The following CREBBP variants were observed in gnomAD, a reference collection of about 807,000 sequenced individuals.
CREBBP encodes CREB-binding protein.
Under a neutral mutation model 265.0 loss-of-function variants are expected in CREBBP, and 19 were observed. That is an observed-to-expected ratio of 0.07 (90% CI 0.05 to 0.11). CREBBP has a LOEUF of 0.11. CREBBP is among the 10% of genes least tolerant of loss of function. The probability of loss-of-function intolerance (pLI) is 1.00; values close to 1 mark genes in which losing one functional copy is unlikely to be tolerated. For missense variants in CREBBP, 2,525 were observed against 3,219.0 expected, an observed-to-expected ratio of 0.78 and a Z score of 5.22; for synonymous variants, 1,457 against 1,223.7, an observed-to-expected ratio of 1.19 and a Z score of -3.98.
chr16:3,835,158 C>CCAAAA (rs574045112), intron 2 of CREBBP, among the ~76,000 whole-genome samples: 8 of 151,828 alleles, frequency 5.3e-5, no homozygotes, highest in Non-Finnish European at 7.4e-5. Flanking sequence ...GACTCCTTCT[C>CCAAAA]CAAAACAAAA....
At chr16:3,861,269 CA>C (rs2055067337) in intron 1 of CREBBP, among the ~76,000 whole-genome samples, 1 of 151,916 alleles carries the variant, frequency 6.6e-6, no homozygotes, top group South Asian at 2.1e-4. Flanking sequence ...AACTCTGTCC[CA>C]AAAAAATAAA....
intron 1 of CREBBP, among the ~76,000 whole-genome samples, chr16:3,854,093 G>A (rs967248564): frequency 6.6e-6 from 1 of 152,170 alleles, no homozygotes; most frequent in Admixed American, 6.5e-5. Flanking sequence ...ATGATCTGAA[G>A]TGGCTGCCTG....
chr16:3,816,872 C>A (rs1364979123), intron 2 of CREBBP, among the ~76,000 whole-genome samples: 1 of 152,132 alleles, frequency 6.6e-6, no homozygotes. Flanking sequence ...TGCCACGCAG[C>A]CCCTAGGAAT....
At chr16:3,826,216 G>A (rs968405759) in intron 2 of CREBBP, among the ~76,000 whole-genome samples, 5 of 152,150 alleles carry the variant, frequency 3.3e-5, no homozygotes, top group African/African-American at 4.8e-5. Flanking sequence ...CAGTCTCGGC[G>A]GGCGGGGAGC....
At chr16:3,796,883 C>T (rs1212663259) in intron 3 of CREBBP, among the ~76,000 whole-genome samples, 1 of 152,172 alleles carries the variant, frequency 6.6e-6, no homozygotes, top group Non-Finnish European at 1.5e-5. Context: ...GGTGAATCAA[C>T]AGTGGAATGG....
intron 2 of CREBBP, among the ~76,000 whole-genome samples, chr16:3,838,706 A>G (rs941744064): frequency 1.3e-5 from 2 of 152,170 alleles, no homozygotes; most frequent in Non-Finnish European, 2.9e-5. Context: ...CTAATTTTGT[A>G]TAACAAACAT....
At position 3,767,755 on chromosome 16, in the gene CREBBP, G is replaced by C. The variant is rs2141181635; in HGVS notation, c.3215C>G (p.Ser1072Cys). 1 of 1,614,258 alleles carries C rather than the reference G, an allele frequency of 6.2e-7. No individual in the cohort carries two copies. The highest frequency in any genetic ancestry group is 1.3e-5 in the African/African-American group (1 of 75,066). ...CGGCTGCGAAGGAGATGTTGACTGA[G>C]AGGCTGTGCCGTTACTGCTACTCTC... is the stretch of plus-strand genomic sequence containing the variant. Reference protein sequence around the residue: ...EEESSSNGTASQSTSPSQPRK... With the variant: ...EEESSSNGTACQSTSPSQPRK... Residue 1072 changes from serine to cysteine, a missense_variant, in exon 16 of 31, where the codon TCT becomes TGT. Ser to Cys is a moderately radical substitution (Grantham distance 112). Around this residue, in one of 19 missense-constraint regions of CREBBP, gnomAD observed 548 missense variants for 533.0 expected, o/e 1.03. Coordinates refer to ENST00000262367, the MANE Select transcript of CREBBP (RefSeq NM_004380.3).
At chr16:3,745,557 T>C (rs2052322916) in intron 21 of CREBBP, 1 of 611,688 alleles carries the variant, frequency 1.6e-6, no homozygotes, top group East Asian at 2.9e-5. Context: ...TCTTCTTTTG[T>C]TTGTACAAGC....
At chr16:3,852,902 A>G (rs1274535871) in intron 1 of CREBBP, among the ~76,000 whole-genome samples, 1 of 151,498 alleles carries the variant, frequency 6.6e-6, no homozygotes, top group African/African-American at 2.4e-5. Context: ...CGGCCAGGCT[A>G]TTCATGTATG....
intron 16 of CREBBP, among the ~76,000 whole-genome samples, chr16:3,759,767 CCCA>C (rs2052670198): frequency 6.6e-6 from 1 of 152,104 alleles, no homozygotes; most frequent in Non-Finnish European, 1.5e-5. Flanking sequence ...ATTGCTTACT[CCCA>C]CATTTACTAA....
intron 1 of CREBBP, among the ~76,000 whole-genome samples, chr16:3,871,404 A>G (rs1454460193): frequency 6.6e-6 from 1 of 152,250 alleles, no homozygotes; most frequent in Non-Finnish European, 1.5e-5. Flanking sequence ...TGTGACTCAC[A>G]GTTAGAAGGT....
At position 3,749,729 on chromosome 16, in the gene CREBBP, T is replaced by G. The variant is rs1488681321; in HGVS notation, c.3780-46A>C. The G allele has an allele frequency of 2.3e-6, 3 of 1,311,830 alleles. No individual in the cohort carries two copies. The South Asian group carries it at 3.7e-5, about 16-fold the overall frequency. 81.3% of individuals were successfully genotyped at this position (1,311,830 alleles called of 1,614,324 possible). A position where few individuals can be genotyped will look rare whatever the true frequency, so the allele number is the denominator to read the frequency against. On this transcript the variant is annotated intron_variant, in intron 20 of 30. Transcript: ENST00000262367. ...CATGTTTTATTAACTAAAATTTATC[T>G]GTTGAGTATAAACTATAGGGTCTCT...
chr16:3,813,057 G>C (rs1278377336), intron 2 of CREBBP: 2 of 228,296 alleles, frequency 8.8e-6, no homozygotes, highest in African/African-American at 4.4e-5. Context: ...ATTTCTTTCA[G>C]CTCTAAAAGT....
intron 19 of CREBBP, 137 bp from the exon 20 acceptor site, chr16:3,751,943 G>A (rs2052484084): frequency 1.3e-6 from 1 of 781,866 alleles, no homozygotes; most frequent in Admixed American, 2.0e-5. Context: ...ATGGGTCAGT[G>A]AGGACAATGA....
chr16:3,835,422 G>T (rs567901629), intron 2 of CREBBP, among the ~76,000 whole-genome samples: 1 of 152,064 alleles, frequency 6.6e-6, no homozygotes, highest in Admixed American at 6.6e-5. Flanking sequence ...GGCTGGATGT[G>T]GTTCATGGGC....
chr16:3,725,067 A>G lies in CREBBP; in HGVS notation c.*2651T>C. 4.3e-6 allele frequency: 1 copy of G among 231,190 alleles called. No individual in the cohort carries two copies. The highest frequency in any genetic ancestry group is 5.6e-5 in the Admixed American group (1 of 17,720). The allele number at this position is 231,190 out of a possible 1,614,324, so 14.3% of individuals were successfully genotyped here. A position where few individuals can be genotyped will look rare whatever the true frequency, so the allele number is the denominator to read the frequency against. On this transcript the variant is annotated 3_prime_UTR_variant, in exon 31 of 31. Coordinates refer to ENST00000262367, the MANE Select transcript of CREBBP (RefSeq NM_004380.3). Reference sequence around the variant, plus strand: ...ATCTGAACCATCTTTGAATCCAAGTAGTTTTACCATCTTTTATTATAAACA... The same window carrying G: ...ATCTGAACCATCTTTGAATCCAAGTGGTTTTACCATCTTTTATTATAAACA...
rs2052626228 is a variant in CREBBP at position 3,757,976 on chromosome 16, G to C, written c.3442C>G (p.Gln1148Glu). Residue 1148 changes from glutamine to glutamate, a missense_variant, in exon 18 of 31, where the codon CAA (glutamine) becomes GAA (glutamate). Transcript: ENST00000262367. ...IKRKLDTGQY[Q>E]EPWQYVDDVW... ...TCGTCCACGTACTGCCAGGGCTCTT[G>C]GTATTGCCCTGTGTCCAGCTTCCGC... 6.2e-7 allele frequency: 1 copy of C among 1,613,554 alleles called. No individual in the cohort carries two copies. The highest frequency in any genetic ancestry group is 8.5e-7 in the Non-Finnish European group (1 of 1,179,870).
chr16:3,815,091 A>G (rs185071494), intron 2 of CREBBP, among the ~76,000 whole-genome samples: 27 of 152,362 alleles, frequency 1.8e-4, no homozygotes, highest in Admixed American at 1.2e-3. Context: ...TTCCTAGTAT[A>G]TATCTATTCT....
At chr16:3,848,976 G>C (rs559362077) in intron 2 of CREBBP, among the ~76,000 whole-genome samples, 15 of 152,136 alleles carry the variant, frequency 9.9e-5, no homozygotes, top group African/African-American at 3.1e-4. Flanking sequence ...ACATTCACAG[G>C]GTTTTGCATC....
Sources: allele counts gnomAD v4.1 joint callset (sites outside exome capture counted in the v4.1 genomes callset), GRCh38; gene constraint gnomAD v4.1.1; regional missense constraint gnomAD v4.1.1; transcripts MANE v1.5; gene names NCBI Gene and HGNC (gene_info 2026-07-23, HGNC 2026-07-21).